LIPF: variants seen among roughly 807,000 people sequenced by gnomAD.
The protein encoded by LIPF is gastric triacylglycerol lipase.
Under a neutral mutation model 38.0 loss-of-function variants are expected in LIPF, and 25 were observed. That is an observed-to-expected ratio of 0.66 (90% CI 0.48 to 0.92). The LOEUF (loss-of-function observed/expected upper bound fraction) is 0.92, where lower values mean the gene tolerates loss of function less well. LIPF is among the 40% of genes least tolerant of loss of function. The pLI is 0.00. For synonymous variants in LIPF, 161 were observed against 156.2 expected, an observed-to-expected ratio of 1.03 and a Z score of -0.23; for missense variants, 410 against 469.9, an observed-to-expected ratio of 0.87 and a Z score of 1.18.
At chr10:88,678,072 T>C (rs1282370756) in intron 9 of LIPF, among the ~76,000 whole-genome samples, 1 of 152,198 alleles carries the variant, frequency 6.6e-6, no homozygotes, top group Non-Finnish European at 1.5e-5. Context: ...TTAGCTTGAG[T>C]TGCAATCTAT....
chr10:88,667,246 A>G, intron 1 of LIPF, 41 bp from the exon 2 acceptor site: 4 of 1,105,666 alleles, frequency 3.6e-6, no homozygotes, highest in East Asian at 2.4e-5. Context: ...TTATGAAAGT[A>G]TAATGGATTA....
chr10:88,675,518 T>C (rs1841671155), intron 7 of LIPF, 68 bp from the exon 8 acceptor site: 2 of 1,163,860 alleles, frequency 1.7e-6, no homozygotes, highest in Non-Finnish European at 2.6e-6. Context: ...ACATAAATCT[T>C]TACTGTTTTT....
chr10:88,673,298 C>T (rs1008692415), intron 6 of LIPF, among the ~76,000 whole-genome samples: 1 of 152,194 alleles, frequency 6.6e-6, no homozygotes, highest in Non-Finnish European at 1.5e-5. Context: ...TATCCCACAA[C>T]TCCTATCACC....
Position 88,678,682 on chromosome 10 carries a change from T to C in LIPF, c.*1T>C, listed in dbSNP as rs1841727441. ...TATGATATCAGAAGATAAAAAGTAG[T>C]TCTGGATTTAAAGAATTATCCGTTT... On this transcript the variant is annotated 3_prime_UTR_variant, in exon 10 of 10. Transcript: ENST00000238983. The C allele has an allele frequency of 6.4e-7, 1 of 1,574,110 alleles. No individual in the cohort carries two copies.
At chr10:88,669,719 C>G (rs1841565648) in intron 4 of LIPF, 118 bp from the exon 5 acceptor site, 2 of 679,578 alleles carry the variant, frequency 2.9e-6, no homozygotes, top group Non-Finnish European at 5.0e-6. Flanking sequence ...CTATAAGCAT[C>G]AATGTTTAGA....
chr10:88,673,752 T>C lies in LIPF; in HGVS notation c.816+18T>C. The stretch of plus-strand genomic sequence containing the variant: ...TTAACACGGTTAGTATGCATTTCAA[T>C]TTCTATATTTTGAGCAACATCTTTG... On this transcript the variant is annotated intron_variant, in intron 7 of 9. Coordinates refer to ENST00000238983, the MANE Select transcript of LIPF (RefSeq NM_004190.4). The C allele has an allele frequency of 6.3e-7, 1 of 1,596,326 alleles. No individual in the cohort carries two copies. Among genetic ancestry groups the C allele is most frequent in the Non-Finnish European group, 8.6e-7 (1 of 1,169,314 alleles).
At position 88,678,579 on chromosome 10, in the gene LIPF, G is replaced by A. The variant is rs1384941008; in HGVS notation, c.1095G>A (p.Lys365=). The change falls in exon 10 of 10, where the codon AAG becomes AAA. Residue 365 remains lysine (K), a synonymous_variant. Coordinates refer to ENST00000238983, the MANE Select transcript of LIPF (RefSeq NM_004190.4). Reference sequence around the variant, plus strand: ...AACTCCCCAATCTTATTTACCACAAGGAGATTCCTTTTTACAATCACTTGG... The same window carrying A: ...AACTCCCCAATCTTATTTACCACAAAGAGATTCCTTTTTACAATCACTTGG... The part of the protein sequence containing the change: ...LPKLPNLIYH[K]EIPFYNHLDF... 2 of 1,613,904 alleles carry A rather than the reference G, an allele frequency of 1.2e-6. No individual in the cohort carries two copies. The highest frequency in any genetic ancestry group is 1.7e-6 in the Non-Finnish European group (2 of 1,179,850).
At chr10:88,674,678 G>A (rs1841659044) in intron 7 of LIPF, among the ~76,000 whole-genome samples, 1 of 152,216 alleles carries the variant, frequency 6.6e-6, no homozygotes, top group South Asian at 2.1e-4. Context: ...GAGCTAGTAT[G>A]TTTAAAGCAT....
intron 1 of LIPF, among the ~76,000 whole-genome samples, chr10:88,666,630 G>A (rs1355366675): frequency 6.6e-6 from 1 of 152,092 alleles, no homozygotes. Context: ...GCCCAGGCGG[G>A]AAGATACCTT....
At position 88,667,686 on chromosome 10, in the gene LIPF, G is replaced by GGT. The variant is rs1841534142; in HGVS notation, c.223+1_223+2dup. 1 of 1,240,176 alleles carries GGT rather than the reference G, an allele frequency of 8.1e-7. No individual in the cohort carries two copies. The highest frequency in any genetic ancestry group is 1.5e-5 in the African/African-American group (1 of 67,122). The allele number at this position is 1,240,176 out of a possible 1,614,324, so 76.8% of individuals were successfully genotyped here. ...TGGGAAGAAAAATTCAGGGAATACAGGTATATATAAGCTTCTTTTCTTCCT... is the reference window on the plus strand; with the variant it reads ...TGGGAAGAAAAATTCAGGGAATACAGGTGTATATATAAGCTTCTTTTCTTCCT... On this transcript the variant is annotated frameshift_variant and splice_region_variant. Coordinates refer to ENST00000238983, the MANE Select transcript of LIPF (RefSeq NM_004190.4). LOFTEE classifies it high-confidence loss of function.
At chr10:88,668,521 A>C in intron 3 of LIPF, 37 bp from the exon 4 acceptor site, 1 of 1,577,248 alleles carries the variant, frequency 6.3e-7, no homozygotes, top group Non-Finnish European at 8.7e-7. Context: ...AGAATAAGGA[A>C]TACATTTATA....
At chr10:88,666,627 C>A (rs575921187) in intron 1 of LIPF, among the ~76,000 whole-genome samples, 1 of 151,848 alleles carries the variant, frequency 6.6e-6, no homozygotes, top group South Asian at 2.1e-4. Flanking sequence ...GAAGCCCAGG[C>A]GGGAAGATAC....
At chr10:88,665,198 T>C (rs1406559445) in intron 1 of LIPF, among the ~76,000 whole-genome samples, 1 of 152,208 alleles carries the variant, frequency 6.6e-6, no homozygotes, top group African/African-American at 2.4e-5. Flanking sequence ...ATGGATAATA[T>C]AATGCTACCT....
chr10:88,670,012 G>A (rs1841571366), intron 5 of LIPF, 66 bp downstream of exon 5: 1 of 988,374 alleles, frequency 1.0e-6, no homozygotes, highest in African/African-American at 1.6e-5. Context: ...GGTTATGGTA[G>A]GCATGTTAGC....
chr10:88,670,886 G>C (rs1484469755), intron 5 of LIPF, among the ~76,000 whole-genome samples: 1 of 152,166 alleles, frequency 6.6e-6, no homozygotes, highest in Non-Finnish European at 1.5e-5. Flanking sequence ...GACTCTTATA[G>C]TACCCATGCA....
In LIPF at chr10:88,678,445, T is replaced by G; in HGVS notation, c.961T>G (p.Ser321Ala). 3 of 1,611,334 alleles carry G rather than the reference T, an allele frequency of 1.9e-6. No individual in the cohort carries two copies. The highest frequency in any genetic ancestry group is 2.5e-6 in the Non-Finnish European group (3 of 1,177,404). ...PVQNRMHYDQSQPPYYNVTAM... is the reference protein window; with the variant it reads ...PVQNRMHYDQAQPPYYNVTAM... ...TGGTTCTTTCTCTTGTGTTTTCTAG[T>G]CCCAACCTCCCTACTACAATGTGAC... The change falls in exon 10 of 10, where the codon TCC (serine) becomes GCC (alanine). Residue 321 changes from serine (S) to alanine (A), a missense_variant and splice_region_variant. Coordinates refer to ENST00000238983, the MANE Select transcript of LIPF (RefSeq NM_004190.4).
chr10:88,666,992 T>G (rs755904860), intron 1 of LIPF, among the ~76,000 whole-genome samples: 8 of 151,678 alleles, frequency 5.3e-5, no homozygotes, highest in Non-Finnish European at 7.4e-5. Flanking sequence ...TTTTTTTTTT[T>G]GCCAATTAAG....
chr10:88,672,041 A>G, intron 6 of LIPF, 76 bp downstream of exon 6: 1 of 1,330,572 alleles, frequency 7.5e-7, no homozygotes. Flanking sequence ...GAAAGAGAAC[A>G]GAGTTATAAA....
chr10:88,675,580 T>G lies in LIPF; in HGVS notation c.817-6T>G. The G allele has an allele frequency of 6.2e-7, 1 of 1,603,040 alleles. No individual in the cohort carries two copies. Among genetic ancestry groups the G allele is most frequent in the Non-Finnish European group, 8.5e-7 (1 of 1,170,292 alleles). On this transcript the variant is annotated splice_polypyrimidine_tract_variant and splice_region_variant and intron_variant, in intron 7 of 9. Transcript: ENST00000238983. ...GTATATAATATGTGTGTCTGTTGATTTCTAGAGTCGCTTGGATGTGTATCT... is the reference window on the plus strand; with the variant it reads ...GTATATAATATGTGTGTCTGTTGATGTCTAGAGTCGCTTGGATGTGTATCT...
Sources: gnomAD v4.1 joint callset for allele counts (sites outside exome capture counted in the v4.1 genomes callset) on GRCh38, gnomAD v4.1.1 for gene constraint, MANE v1.5 for transcripts, NCBI Gene and HGNC (gene_info 2026-07-23, HGNC 2026-07-21) for gene names.